The following FGGY variants were observed in gnomAD, a reference collection of about 807,000 sequenced individuals.
FGGY encodes the protein FGGY carbohydrate kinase domain containing.
Under a neutral mutation model 71.3 loss-of-function variants are expected in FGGY, and 72 were observed. The ratio of observed to expected loss-of-function variants is 1.01; its 90% CI spans 0.84 to 1.23. The LOEUF is 1.23. FGGY is among the 50% of genes most tolerant of loss of function. FGGY has a pLI of 0.00. For missense variants in FGGY, 668 were observed against 682.3 expected, an observed-to-expected ratio of 0.98 and a Z score of 0.23; for synonymous variants, 251 against 250.3, an observed-to-expected ratio of 1.00 and a Z score of -0.02.
intron 14 of FGGY, among the ~76,000 whole-genome samples, chr1:59,731,640 G>T (rs1475611217): frequency 6.6e-6 from 1 of 151,814 alleles, no homozygotes; most frequent in African/African-American, 2.4e-5. Flanking sequence ...GGAGATGGGG[G>T]TGGGGGGCAT....
intron 4 of FGGY, among the ~76,000 whole-genome samples, chr1:59,348,700 T>A (rs1425579982): frequency 6.6e-6 from 1 of 152,172 alleles, no homozygotes; most frequent in East Asian, 1.9e-4. Flanking sequence ...AGGATTGCCA[T>A]CACGGGGCAG....
At chr1:59,678,996 C>T (rs1003037893) in intron 14 of FGGY, among the ~76,000 whole-genome samples, 2 of 152,202 alleles carry the variant, frequency 1.3e-5, no homozygotes, top group Admixed American at 6.5e-5. Flanking sequence ...TTCCCTGTCA[C>T]GTTCCAGACA....
At chr1:59,407,981 AC>A (rs1273327933) in intron 5 of FGGY, among the ~76,000 whole-genome samples, 9 of 149,580 alleles carry the variant, frequency 6.0e-5, no homozygotes, top group African/African-American at 1.7e-4. Flanking sequence ...GGTACTCTTT[AC>A]TTTGCTGTGG....
chr1:59,716,541 T>A (rs1246450631), intron 14 of FGGY, among the ~76,000 whole-genome samples: 1 of 152,204 alleles, frequency 6.6e-6, no homozygotes, highest in Non-Finnish European at 1.5e-5. Context: ...TTGGAACATT[T>A]GTTTTATGCG....
At chr1:59,526,861 T>C (rs2094998973) in intron 7 of FGGY, among the ~76,000 whole-genome samples, 1 of 152,182 alleles carries the variant, frequency 6.6e-6, no homozygotes, top group African/African-American at 2.4e-5. Flanking sequence ...AGAGCTTACC[T>C]GCTCTGTGCC....
At chr1:59,731,919 G>C (rs1425498713) in intron 14 of FGGY, among the ~76,000 whole-genome samples, 1 of 152,122 alleles carries the variant, frequency 6.6e-6, no homozygotes, top group Non-Finnish European at 1.5e-5. Flanking sequence ...CCTCTTGCTA[G>C]ATACAGTTAA....
intron 6 of FGGY, among the ~76,000 whole-genome samples, chr1:59,467,124 G>A (rs984762728): frequency 1.3e-5 from 2 of 152,148 alleles, no homozygotes; most frequent in African/African-American, 4.8e-5. Context: ...ATGATAGACT[G>A]AATTAAGAAA....
intron 11 of FGGY, among the ~76,000 whole-genome samples, chr1:59,656,249 C>T: frequency 6.6e-6 from 1 of 152,220 alleles, no homozygotes; most frequent in Middle Eastern, 3.2e-3. Flanking sequence ...ACTCCTTCTA[C>T]TCATGCTTCC....
chr1:59,514,403 C>T lies in FGGY; in HGVS notation c.799+1964C>T, dbSNP rs965074525. ...GCCAAAACACACCTTCTCACTTCTG[C>T]CCAGGACTCACTATGTCCTCCAGGA... On this transcript the variant is annotated intron_variant, in intron 7 of 15. Transcript: ENST00000303721. Among the ~76,000 whole-genome samples, 4 of 152,334 alleles carry T rather than the reference C, an allele frequency of 2.6e-5. No homozygotes were observed. The East Asian group carries it at 5.8e-4, about 22-fold the overall frequency.
intron 12 of FGGY, among the ~76,000 whole-genome samples, chr1:59,660,678 AG>A (rs2097266133): frequency 6.6e-6 from 1 of 152,244 alleles, no homozygotes; most frequent in South Asian, 2.1e-4. Context: ...GATTCATGAT[AG>A]GGGTCCTTTA....
intron 6 of FGGY, among the ~76,000 whole-genome samples, chr1:59,495,915 G>A (rs914735534): frequency 2.6e-5 from 4 of 152,164 alleles, no homozygotes; most frequent in Non-Finnish European, 4.4e-5. Flanking sequence ...GTCAGGTAAT[G>A]TGGTGCCTCC....
intron 6 of FGGY, among the ~76,000 whole-genome samples, chr1:59,462,534 G>A (rs567739299): frequency 6.6e-6 from 1 of 152,230 alleles, no homozygotes; most frequent in East Asian, 1.9e-4. Flanking sequence ...CCACAAAATG[G>A]CAGAAAATTT....
chr1:59,419,301 A>T, intron 5 of FGGY, among the ~76,000 whole-genome samples: 1 of 152,176 alleles, frequency 6.6e-6, no homozygotes, highest in East Asian at 1.9e-4. Flanking sequence ...AGGTAAAAAA[A>T]TACCAGTTAA....
At chr1:59,450,606 A>C (rs2072478977) in intron 5 of FGGY, among the ~76,000 whole-genome samples, 1 of 152,144 alleles carries the variant, frequency 6.6e-6, no homozygotes, top group African/African-American at 2.4e-5. Context: ...TATTACTCTT[A>C]TAGTTTACAT....
At chr1:59,640,307 C>T (rs2097008748) in intron 11 of FGGY, among the ~76,000 whole-genome samples, 1 of 152,210 alleles carries the variant, frequency 6.6e-6, no homozygotes. Context: ...CTCCTTCCTT[C>T]AGTCCAGTTT....
chr1:59,715,224 C>T (rs901446333), intron 14 of FGGY, among the ~76,000 whole-genome samples: 1 of 152,144 alleles, frequency 6.6e-6, no homozygotes, highest in Non-Finnish European at 1.5e-5. Flanking sequence ...CCTATTTGTG[C>T]ACTTAATTAG....
chr1:59,515,702 G>A (rs958776616), intron 7 of FGGY, among the ~76,000 whole-genome samples: 1 of 152,074 alleles, frequency 6.6e-6, no homozygotes, highest in Non-Finnish European at 1.5e-5. Flanking sequence ...GCTTTTCTGC[G>A]TTTGCTTCTT....
chr1:59,527,457 A>G (rs1558228674), intron 7 of FGGY, among the ~76,000 whole-genome samples: 1 of 152,260 alleles, frequency 6.6e-6, no homozygotes, highest in East Asian at 1.9e-4. Context: ...TCACTGTCTC[A>G]TACCCACTCT....
intron 11 of FGGY, among the ~76,000 whole-genome samples, chr1:59,643,394 T>A (rs1010683381): frequency 6.6e-6 from 1 of 152,146 alleles, no homozygotes; most frequent in Non-Finnish European, 1.5e-5. Flanking sequence ...GGGGTCTCAC[T>A]CTGTTGCCAA....
Sources: gnomAD v4.1 joint callset for allele counts (sites outside exome capture counted in the v4.1 genomes callset) on GRCh38, gnomAD v4.1.1 for gene constraint, MANE v1.5 for transcripts, NCBI Gene and HGNC (gene_info 2026-07-23, HGNC 2026-07-21) for gene names.